PACRG: variants seen among roughly 807,000 people sequenced by gnomAD.
PACRG encodes the protein parkin coregulated, also known as parkin coregulated gene protein.
A neutral mutation model predicts 29.7 loss-of-function variants in PACRG; 29 were observed. That is an observed-to-expected ratio of 0.98 (90% confidence interval 0.73 to 1.33). PACRG has a LOEUF of 1.33. PACRG is among the 40% of genes most tolerant of loss of function. The pLI, the probability that PACRG is intolerant of heterozygous loss-of-function variation, is 0.00. For missense variants in PACRG, 279 were observed against 316.2 expected (o/e 0.88, Z 0.89); for synonymous variants, 116 against 118.7 (o/e 0.98, Z 0.15).
chr6:162,787,099 C>G (rs1343694904), intron 1 of PACRG, among the ~76,000 whole-genome samples: 1 of 152,038 alleles, frequency 6.6e-6, no homozygotes, highest in Non-Finnish European at 1.5e-5. Flanking sequence ...TGCATGATAG[C>G]AGAGAAGTGA....
chr6:162,754,589 T>G (rs1343310104), intron 1 of PACRG, among the ~76,000 whole-genome samples: 1 of 152,324 alleles, frequency 6.6e-6, no homozygotes, highest in Non-Finnish European at 1.5e-5. Context: ...TCTAGTTGTC[T>G]TACCCTTTCA....
chr6:163,060,679 G>C (rs958714884), intron 2 of PACRG, among the ~76,000 whole-genome samples: 4 of 152,120 alleles, frequency 2.6e-5, no homozygotes, highest in Non-Finnish European at 5.9e-5. Flanking sequence ...TAAATGGGAA[G>C]TCTGTGAGCA....
At position 162,818,265 on chromosome 6, in the gene PACRG, C is replaced by T. The variant is rs188349813; in HGVS notation, c.291+3984C>T. Among the ~76,000 whole-genome samples, 3 of 152,274 alleles carry T rather than the reference C, an allele frequency of 2.0e-5. No homozygotes were observed. The East Asian group carries it at 5.8e-4, about 29-fold the overall frequency. On this transcript the variant is annotated intron_variant, in intron 2 of 4. Transcript: ENST00000366888. ...TAAGCTGTCTGGATAAGTTACAAAG[C>T]AGATAATCAGATGAACGATGGAATT...
In PACRG at chr6:162,885,031, G is replaced by A. The variant is rs149453084; in HGVS notation, c.291+70750G>A. ...GCTTCACTTTAGAGGTGAAGTTGTG[G>A]GCTCAATGTTACCCACATCACTTGC... On this transcript the variant is annotated intron_variant, in intron 2 of 4. Transcript: ENST00000366888. Among the ~76,000 whole-genome samples, 5 of 152,098 alleles carry A rather than the reference G, an allele frequency of 3.3e-5. No homozygotes were observed. The East Asian group carries it at 9.7e-4, about 29-fold the overall frequency.
In PACRG at chr6:162,787,582, G is replaced by GTGTATA. The variant is rs1198197561; in HGVS notation, c.157-26564_157-26563insGTATAT. On this transcript the variant is annotated intron_variant, in intron 1 of 4. Coordinates refer to ENST00000366888, the MANE Select transcript of PACRG (RefSeq NM_001080379.2). Reference sequence around the variant, plus strand: ...ATTGTGTGTGTGTGTGTGTGTGTGTGTATATATATATATATATATATATAT... The same window carrying GTGTATA: ...ATTGTGTGTGTGTGTGTGTGTGTGTGTGTATATATATATATATATATATATATATAT... 3.9e-3 allele frequency among the ~76,000 whole-genome samples: 242 copies of GTGTATA among 62,368 alleles called. 2 individuals are homozygous for GTGTATA. The highest frequency in any genetic ancestry group is 5.3e-3 in the Non-Finnish European group (176 of 33,300). 40.9% of individuals were successfully genotyped at this position (62,368 alleles called of 152,430 possible).
At position 163,217,574 on chromosome 6, in the gene PACRG, C is replaced by T. The variant is rs1485085899; in HGVS notation, c.614-97253C>T. On this transcript the variant is annotated intron_variant, in intron 4 of 4. Transcript: ENST00000366888. The stretch of plus-strand genomic sequence containing the variant: ...GGCCATGGACTGGCACTGGTCTGTG[C>T]TCTGTTAGGAAGCAGCTGCACAGCA... Among the ~76,000 whole-genome samples the T allele has an allele frequency of 3.3e-5, 5 of 152,306 alleles. No individual in the cohort carries two copies. The East Asian group carries it at 9.7e-4, about 29-fold the overall frequency.
chr6:162,895,823 G>A lies in PACRG; in HGVS notation c.291+81542G>A, dbSNP rs779954859. Among the ~76,000 whole-genome samples the A allele has an allele frequency of 2.0e-5, 3 of 152,314 alleles. No individual in the cohort carries two copies. The South Asian group carries it at 6.2e-4, about 32-fold the overall frequency. ...GCTCTAAGAACATTTACTTTACACT[G>A]CTGGTGTTCTGGTCACCTCCTCGGT... On this transcript the variant is annotated intron_variant, in intron 2 of 4. Transcript: ENST00000366888.
rs1783739627 is a variant in PACRG at position 162,777,462 on chromosome 6, G to A, written c.157-36685G>A. ...ATCACACCATCCCAAATTCTACTAA[G>A]TGTCAGACCAGGCCATGCTACCCTG... is the stretch of plus-strand genomic sequence containing the variant. On this transcript the variant is annotated intron_variant, in intron 1 of 4. Coordinates refer to ENST00000366888, the MANE Select transcript of PACRG (RefSeq NM_001080379.2). This position sits in a 1 kb window ranked among gnomAD's most constrained non-coding sequence, Gnocchi z 4.0. Among the ~76,000 whole-genome samples, 1 of 152,182 alleles carries A rather than the reference G, an allele frequency of 6.6e-6. No homozygotes were observed. The highest frequency in any genetic ancestry group is 2.1e-4 in the South Asian group (1 of 4,822).
Position 162,882,804 on chromosome 6 carries a change from C to T in PACRG, c.291+68523C>T, listed in dbSNP as rs895773210. Among the ~76,000 whole-genome samples the T allele has an allele frequency of 2.0e-5, 3 of 152,204 alleles. No individual in the cohort carries two copies. The South Asian group carries it at 6.2e-4, about 31-fold the overall frequency. On this transcript the variant is annotated intron_variant, in intron 2 of 4. Coordinates refer to ENST00000366888, the MANE Select transcript of PACRG (RefSeq NM_001080379.2). Reference sequence around the variant, plus strand: ...TGTCCAGGAAGCCTTTTCTGACCTTCGTGAATTATTTCCATTGTGCTCACT... The same window carrying T: ...TGTCCAGGAAGCCTTTTCTGACCTTTGTGAATTATTTCCATTGTGCTCACT...
intron 4 of PACRG, among the ~76,000 whole-genome samples, chr6:163,131,671 T>G (rs1816746499): frequency 6.6e-6 from 1 of 152,130 alleles, no homozygotes; most frequent in African/African-American, 2.4e-5. Context: ...CTGTTGAATG[T>G]TAAGAGCCCT....
chr6:163,125,154 A>T (rs934645288), intron 4 of PACRG, among the ~76,000 whole-genome samples: 3 of 152,350 alleles, frequency 2.0e-5, no homozygotes, highest in South Asian at 4.1e-4. Flanking sequence ...GCAAGGAAAG[A>T]CTAGATTATT....
intron 4 of PACRG, among the ~76,000 whole-genome samples, chr6:163,216,296 C>CT (rs1402907979): frequency 6.6e-6 from 1 of 152,090 alleles, no homozygotes; most frequent in Non-Finnish European, 1.5e-5. Flanking sequence ...GAGCCAGCAC[C>CT]AAGGGCAAGG....
chr6:162,773,649 G>A lies in PACRG; in HGVS notation c.157-40498G>A, dbSNP rs1417261131. 3.3e-5 allele frequency among the ~76,000 whole-genome samples: 5 copies of A among 151,362 alleles called. No individual in the cohort carries two copies. In the East Asian group the frequency reaches 7.8e-4, roughly 24 times the overall value. ...CCTGCCTCAGCCTCCCGAGTAGCTGGGACTACAGGCGCCCGCCACCGCGCC... is the reference window on the plus strand; with the variant it reads ...CCTGCCTCAGCCTCCCGAGTAGCTGAGACTACAGGCGCCCGCCACCGCGCC... On this transcript the variant is annotated intron_variant, in intron 1 of 4. Transcript: ENST00000366888.
chr6:162,869,880 T>C (rs1792652681), intron 2 of PACRG, among the ~76,000 whole-genome samples: 1 of 152,252 alleles, frequency 6.6e-6, no homozygotes, highest in Admixed American at 6.5e-5. Context: ...CTATGAGCCC[T>C]GTTGACAGTA....
At chr6:162,906,888 A>G (rs1197573457) in intron 2 of PACRG, among the ~76,000 whole-genome samples, 1 of 152,212 alleles carries the variant, frequency 6.6e-6, no homozygotes, top group Non-Finnish European at 1.5e-5. Context: ...GAAATGTGGA[A>G]TAAGTTCTGG....
rs576296674 is a variant in PACRG, at chr6:163,267,245, C to T, written c.614-47582C>T. Among the ~76,000 whole-genome samples, 745 of 152,360 alleles carry T rather than the reference C, an allele frequency of 4.9e-3. 3 individuals are homozygous for T. Among genetic ancestry groups the T allele is most frequent in the Middle Eastern group, 0.017 (5 of 294 alleles). On this transcript the variant is annotated intron_variant, in intron 4 of 4. Transcript: ENST00000366888. The stretch of plus-strand genomic sequence containing the variant: ...ATTCTTCCATGAGCTCTGGGCTTCA[C>T]TGTCAGCACAGTCCCATCAGTGACG...
intron 4 of PACRG, chr6:163,183,252 C>CGAAGGGCATG (rs1425732501): frequency 6.7e-6 from 1 of 148,644 alleles, no homozygotes; most frequent in South Asian, 2.1e-4. Context: ...TCTGGGGGCT[C>CGAAGGGCATG]GAAGGGCATG....
intron 1 of PACRG, among the ~76,000 whole-genome samples, chr6:162,784,239 G>A (rs1784294380): frequency 6.6e-6 from 1 of 152,020 alleles, no homozygotes; most frequent in South Asian, 2.1e-4. Flanking sequence ...TTTTTGAATA[G>A]TTTTCTATCT....
chr6:162,949,193 C>A (rs552525373), intron 2 of PACRG, among the ~76,000 whole-genome samples: 11 of 152,220 alleles, frequency 7.2e-5, no homozygotes, highest in African/African-American at 2.4e-4. Context: ...GAAATCATGT[C>A]ATTTGCAGCA....
Sources: gnomAD v4.1 joint callset for allele counts (sites outside exome capture counted in the v4.1 genomes callset) on GRCh38, gnomAD v4.1.1 for gene constraint, Gnocchi (gnomAD v3.1) non-coding constraint, MANE v1.5 for transcripts, NCBI Gene and HGNC (gene_info 2026-07-23, HGNC 2026-07-21) for gene names.